Variants in CAST observed in about 807,000 individuals in gnomAD.
The protein encoded by CAST is calpastatin, also known as MIR583 host.
A neutral mutation model predicts 119.6 loss-of-function variants in CAST; 76 were observed. The observed-to-expected ratio is 0.64, with a 90% CI of 0.53 to 0.77. CAST has a LOEUF of 0.77. CAST is among the 30% of genes least tolerant of loss of function. CAST has a pLI of 0.00. For synonymous variants in CAST, 319 were observed against 331.6 expected, an observed-to-expected ratio of 0.96 and a Z score of 0.41; for missense variants, 953 against 946.5, an observed-to-expected ratio of 1.01 and a Z score of -0.09.
At chr5:96,153,922 T>C in the CAST span, among the ~76,000 whole-genome samples, 2 of 152,180 alleles carry the variant, frequency 1.3e-5, no homozygotes, top group African/African-American at 4.8e-5. Flanking sequence ...TTGCATTATA[T>C]CTGAAATATT....
the CAST span, among the ~76,000 whole-genome samples, chr5:96,507,423 A>G: frequency 6.6e-6 from 1 of 152,248 alleles, no homozygotes. Context: ...TAAACAGATC[A>G]TGAATACATA....
chr5:96,472,083 G>A, the CAST span, among the ~76,000 whole-genome samples: 1 of 152,056 alleles, frequency 6.6e-6, no homozygotes, highest in Admixed American at 6.6e-5. Context: ...AGCAGTATTT[G>A]GTACAGCAAT....
chr5:96,141,516 T>A, the CAST span, among the ~76,000 whole-genome samples: 3 of 152,234 alleles, frequency 2.0e-5, no homozygotes, highest in South Asian at 6.2e-4. Context: ...TCCTCTTTAC[T>A]TATTCCCAGA....
chr5:96,026,228 G>A, the CAST span, among the ~76,000 whole-genome samples: 1 of 152,122 alleles, frequency 6.6e-6, no homozygotes, highest in African/African-American at 2.4e-5. Flanking sequence ...AAATCAATCA[G>A]TTAGTCAATC....
upstream of CAST, among the ~76,000 whole-genome samples, chr5:96,658,039 C>T (rs1050385559): frequency 5.3e-5 from 8 of 151,818 alleles, no homozygotes; most frequent in African/African-American, 1.5e-4. Flanking sequence ...GTGGAGGTTG[C>T]GGTGAGCCGA....
rs556948773 is a variant in CAST, at chr5:96,594,371, G to C, written c.60+64491G>C. Among the ~76,000 whole-genome samples, 398 of 152,282 alleles carry C rather than the reference G, an allele frequency of 2.6e-3. 2 individuals are homozygous for C. Among genetic ancestry groups the C allele is most frequent in the African/African-American group, 9.2e-3 (383 of 41,554 alleles). On this transcript the variant is annotated intron_variant, in intron 1 of 11. Transcript: ENST00000505143. The stretch of plus-strand genomic sequence containing the variant: ...TGTTGGTAGAATGCATGAATGTCAA[G>C]ATGTAAACAGAAAAACAGTCGAGTT...
chr5:96,174,810 T>C, the CAST span, among the ~76,000 whole-genome samples: 1 of 152,212 alleles, frequency 6.6e-6, no homozygotes, highest in African/African-American at 2.4e-5. Flanking sequence ...CTCTGTGTGA[T>C]TGGTCCCCAA....
At chr5:96,034,044 G>C in the CAST span, among the ~76,000 whole-genome samples, 18 of 152,164 alleles carry the variant, frequency 1.2e-4, no homozygotes, top group African/African-American at 4.3e-4. Context: ...GCTGAGGCAG[G>C]AGGATTGCTT....
At chr5:96,152,318 C>T in the CAST span, among the ~76,000 whole-genome samples, 1 of 152,154 alleles carries the variant, frequency 6.6e-6, no homozygotes, top group African/African-American at 2.4e-5. Context: ...AGAGTGTCTG[C>T]AGGAATGTGG....
the CAST span, among the ~76,000 whole-genome samples, chr5:96,101,703 C>T: frequency 5.9e-5 from 9 of 152,206 alleles, no homozygotes; most frequent in Admixed American, 2.0e-4. Context: ...GTAATCCTAG[C>T]GCTTTGGCCA....
chr5:96,447,184 G>C, the CAST span, among the ~76,000 whole-genome samples: 4 of 152,206 alleles, frequency 2.6e-5, no homozygotes, highest in East Asian at 7.7e-4. Flanking sequence ...CCAGGCGTAA[G>C]AAGCCATGAG....
At chr5:96,073,482 G>A in the CAST span, among the ~76,000 whole-genome samples, 1 of 152,196 alleles carries the variant, frequency 6.6e-6, no homozygotes, top group Non-Finnish European at 1.5e-5. Context: ...TTGAAACCCA[G>A]GTAGATCTGT....
intron 1 of CAST, among the ~76,000 whole-genome samples, chr5:96,582,783 C>T (rs978429956): frequency 6.6e-6 from 1 of 152,080 alleles, no homozygotes; most frequent in African/African-American, 2.4e-5. Context: ...AACCAGAAAA[C>T]ACATTCAATG....
chr5:96,708,094 T>A (rs1372675691), intron 3 of CAST, among the ~76,000 whole-genome samples: 1 of 152,260 alleles, frequency 6.6e-6, no homozygotes, highest in Non-Finnish European at 1.5e-5. Flanking sequence ...TCCATTACTA[T>A]GGCTAATAAT....
At chr5:96,647,429 G>A (rs1009846116) in intron 1 of CAST, among the ~76,000 whole-genome samples, 12 of 151,980 alleles carry the variant, frequency 7.9e-5, no homozygotes, top group Non-Finnish European at 1.6e-4. Flanking sequence ...ATGAACCTTC[G>A]ATTATACCAC....
At chr5:96,679,833 C>G (rs1751137510) in intron 2 of CAST, among the ~76,000 whole-genome samples, 1 of 151,556 alleles carries the variant, frequency 6.6e-6, no homozygotes, top group Non-Finnish European at 1.5e-5. Flanking sequence ...TAAAGTTAGA[C>G]TTTTTTAATC....
chr5:96,554,952 G>C (rs983470133), intron 1 of CAST, among the ~76,000 whole-genome samples: 3 of 152,210 alleles, frequency 2.0e-5, no homozygotes, highest in African/African-American at 4.8e-5. Context: ...TACACTGTTG[G>C]TGGAAGTGTA....
chr5:96,327,086 A>T, the CAST span, among the ~76,000 whole-genome samples: 1 of 152,176 alleles, frequency 6.6e-6, no homozygotes, highest in Admixed American at 6.5e-5. Context: ...TCTCAGTTTA[A>T]TTTCAGTTCT....
chr5:96,687,798 A>G (rs1195211144), intron 2 of CAST, among the ~76,000 whole-genome samples: 1 of 152,224 alleles, frequency 6.6e-6, no homozygotes, highest in African/African-American at 2.4e-5. Flanking sequence ...TTCACTTAGT[A>G]CTTAAGATAA....
Sources: gnomAD v4.1 joint callset for allele counts (sites outside exome capture counted in the v4.1 genomes callset) on GRCh38, gnomAD v4.1.1 for gene constraint, MANE v1.5 for transcripts, NCBI Gene and HGNC (gene_info 2026-07-23, HGNC 2026-07-21) for gene names.